Variants in DLGAP2 observed in about 807,000 individuals in gnomAD.
DLGAP2 encodes the protein DLG associated protein 2, also known as disks large-associated protein 2.
DLGAP2 carries 26 observed loss-of-function variants against 100.3 expected under a neutral mutation model. The ratio of observed to expected loss-of-function variants is 0.26; its 90% CI spans 0.19 to 0.36. DLGAP2 has a LOEUF of 0.36. DLGAP2 is among the 10% of genes least tolerant of loss of function. The probability of loss-of-function intolerance (pLI) is 1.00; values close to 1 mark genes in which losing one functional copy is unlikely to be tolerated. For missense variants in DLGAP2, 1,858 were observed against 1,453.2 expected (o/e 1.28, Z -4.53); for synonymous variants, 886 against 630.1 (o/e 1.41, Z -6.08).
chr8:1,127,758 G>A (rs574720615), intron 2 of DLGAP2, among the ~76,000 whole-genome samples: 30 of 152,160 alleles, frequency 2.0e-4, no homozygotes, highest in East Asian at 5.8e-4. Context: ...AGAGGAGGAC[G>A]GTTAACTACG....
chr8:1,595,873 AATT>A (rs1796442281), intron 6 of DLGAP2, among the ~76,000 whole-genome samples: 1 of 143,554 alleles, frequency 7.0e-6, no homozygotes, highest in African/African-American at 2.5e-5. Flanking sequence ...ATTTTTTTTT[AATT>A]TTATTATTAT....
At chr8:1,206,834 C>T (rs1392097470) in intron 2 of DLGAP2, among the ~76,000 whole-genome samples, 2 of 152,206 alleles carry the variant, frequency 1.3e-5, no homozygotes, top group African/African-American at 4.8e-5. Context: ...CCTCTTCTGT[C>T]GCTGACACAG....
At chr8:1,302,747 G>A (rs1225145951) in intron 3 of DLGAP2, 1 of 152,282 alleles carries the variant, frequency 6.6e-6, no homozygotes, top group African/African-American at 2.4e-5. Flanking sequence ...TCGAAGGGAA[G>A]GGCTCTTGCC....
chr8:1,646,185 T>C (rs1291936636), intron 8 of DLGAP2, among the ~76,000 whole-genome samples: 1 of 152,124 alleles, frequency 6.6e-6, no homozygotes, highest in African/African-American at 2.4e-5. Context: ...CCACGTCCTA[T>C]CTAGTGGAAG....
At chr8:935,532 T>C (rs1187857886) in intron 2 of DLGAP2, among the ~76,000 whole-genome samples, 1 of 152,344 alleles carries the variant, frequency 6.6e-6, no homozygotes, top group South Asian at 2.1e-4. Flanking sequence ...ATGGTTTTAA[T>C]GTAGTTAATA....
At chr8:1,199,940 C>T (rs1480167342) in intron 2 of DLGAP2, among the ~76,000 whole-genome samples, 6 of 152,042 alleles carry the variant, frequency 3.9e-5, no homozygotes, top group Admixed American at 6.5e-5. Context: ...GAAGGATTCC[C>T]CCCCACAACC....
intron 2 of DLGAP2, among the ~76,000 whole-genome samples, chr8:1,038,892 A>G (rs1019801248): frequency 2.6e-5 from 4 of 152,112 alleles, no homozygotes; most frequent in Non-Finnish European, 4.4e-5. Flanking sequence ...TATTACATCA[A>G]CTATTTGTCA....
chr8:1,495,813 C>T (rs998191715), intron 3 of DLGAP2, among the ~76,000 whole-genome samples: 1 of 152,190 alleles, frequency 6.6e-6, no homozygotes, highest in Non-Finnish European at 1.5e-5. Flanking sequence ...ACGTGCGATT[C>T]ACTAATCACC....
intron 2 of DLGAP2, among the ~76,000 whole-genome samples, chr8:1,164,325 C>A (rs73184503): frequency 2.4e-5 from 1 of 42,070 alleles, no homozygotes; most frequent in East Asian, 6.0e-4. Flanking sequence ...TTTGTGGGGA[C>A]AGATTTTTCT....
chr8:782,895 C>T (rs1821736910), intron 1 of DLGAP2, among the ~76,000 whole-genome samples: 1 of 152,164 alleles, frequency 6.6e-6, no homozygotes, highest in Admixed American at 6.5e-5. Flanking sequence ...GAACCAACCC[C>T]CAAATCACAA....
At chr8:1,155,918 G>A (rs565266872) in intron 2 of DLGAP2, among the ~76,000 whole-genome samples, 2 of 152,296 alleles carry the variant, frequency 1.3e-5, no homozygotes, top group East Asian at 1.9e-4. Flanking sequence ...TGCAGAGGCC[G>A]AGGGAGCTTC....
rs773138776 is a variant in DLGAP2 at position 1,548,458 on chromosome 8, G to GAAAA, written c.173-145_173-142dup. 7.2e-4 allele frequency among the ~76,000 whole-genome samples: 30 copies of GAAAA among 41,572 alleles called. 2 individuals carry two copies. Among genetic ancestry groups the GAAAA allele is most frequent in the East Asian group, 2.1e-3 (2 of 962 alleles). The allele number at this position is 41,572 out of a possible 152,430, so 27.3% of individuals were successfully genotyped here. A position where few individuals can be genotyped will look rare whatever the true frequency, so the allele number is the denominator to read the frequency against. Reference sequence around the variant, plus strand: ...TGGGCGACAGAGCGAGACTGTCTCAGAAAAAAAAAAAAAAAAAAAAAAAAA... The same window carrying GAAAA: ...TGGGCGACAGAGCGAGACTGTCTCAGAAAAAAAAAAAAAAAAAAAAAAAAAAAAA... On this transcript the variant is annotated intron_variant, in intron 4 of 14. Coordinates refer to ENST00000637795, the MANE Select transcript of DLGAP2 (RefSeq NM_001346810.2).
chr8:1,600,163 T>G (rs974758194), intron 6 of DLGAP2, among the ~76,000 whole-genome samples: 3 of 152,214 alleles, frequency 2.0e-5, no homozygotes, highest in Admixed American at 1.3e-4. Flanking sequence ...AAATCTGGGT[T>G]GAAAATTCTT....
At chr8:1,072,517 C>T (rs1380993231) in intron 2 of DLGAP2, among the ~76,000 whole-genome samples, 3 of 152,182 alleles carry the variant, frequency 2.0e-5, no homozygotes, top group Admixed American at 2.0e-4. Flanking sequence ...TTTGATTTCA[C>T]CGCAGCGTTT....
intron 3 of DLGAP2, among the ~76,000 whole-genome samples, chr8:1,354,180 C>T (rs1001248856): frequency 6.6e-6 from 1 of 152,118 alleles, no homozygotes. Context: ...AAACAACCTG[C>T]TCACCAGTGG....
At chr8:1,021,602 A>T (rs576437465) in intron 2 of DLGAP2, among the ~76,000 whole-genome samples, 1 of 152,336 alleles carries the variant, frequency 6.6e-6, no homozygotes, top group South Asian at 2.1e-4. Flanking sequence ...AAAACTATTG[A>T]TATAAGAGGT....
intron 2 of DLGAP2, among the ~76,000 whole-genome samples, chr8:946,554 C>T (rs934537788): frequency 1.3e-4 from 20 of 152,194 alleles, no homozygotes; most frequent in African/African-American, 3.4e-4. Flanking sequence ...TGAGCCACCG[C>T]GCCCGGCCCG....
At chr8:866,621 A>G (rs1016962775) in intron 1 of DLGAP2, among the ~76,000 whole-genome samples, 2 of 152,168 alleles carry the variant, frequency 1.3e-5, no homozygotes, top group Non-Finnish European at 2.9e-5. Flanking sequence ...GCCTTGGTCC[A>G]TGTGGCCATC....
chr8:1,222,573 A>G (rs1200686222), intron 2 of DLGAP2, among the ~76,000 whole-genome samples: 3 of 151,940 alleles, frequency 2.0e-5, no homozygotes, highest in Non-Finnish European at 2.9e-5. Context: ...ATGTGCTGGC[A>G]AGATAGCAGG....
Sources: gnomAD v4.1 joint callset for allele counts (sites outside exome capture counted in the v4.1 genomes callset) on GRCh38, gnomAD v4.1.1 for gene constraint, MANE v1.5 for transcripts, NCBI Gene and HGNC (gene_info 2026-07-23, HGNC 2026-07-21) for gene names.